Variants in PAK2 observed in about 807,000 individuals in gnomAD.
The protein encoded by PAK2 is serine/threonine-protein kinase PAK 2.
Under a neutral mutation model 65.9 loss-of-function variants are expected in PAK2, and 21 were observed. The ratio of observed to expected loss-of-function variants is 0.32; its 90% CI spans 0.23 to 0.46. PAK2 has a LOEUF of 0.46. Among genes scored for constraint, PAK2 ranks in the 20% least tolerant of loss-of-function variants. PAK2 has a pLI of 1.00. For missense variants in PAK2, 324 were observed against 642.6 expected (o/e 0.50, Z 5.36); for synonymous variants, 204 against 219.7 (o/e 0.93, Z 0.63).
At chr3:196,762,052 C>G (rs1208438622) in intron 1 of PAK2, among the ~76,000 whole-genome samples, 1 of 141,342 alleles carries the variant, frequency 7.1e-6, no homozygotes, top group East Asian at 2.0e-4. Flanking sequence ...TCCTCACCTC[C>G]CAGACGGGGT....
chr3:196,765,187 A>C, intron 1 of PAK2, among the ~76,000 whole-genome samples: 3 of 105,472 alleles, frequency 2.8e-5, no homozygotes, highest in South Asian at 3.2e-4. Context: ...TCGCTCTGTC[A>C]CCCAGACTGG....
intron 1 of PAK2, among the ~76,000 whole-genome samples, chr3:196,763,511 T>C (rs188120008): frequency 6.6e-6 from 1 of 151,858 alleles, no homozygotes; most frequent in East Asian, 1.9e-4. Flanking sequence ...TGGACAGAAA[T>C]GATGAATTTG....
chr3:196,782,939 A>C (rs1714759570), intron 2 of PAK2, 106 bp downstream of exon 2: 2 of 635,452 alleles, frequency 3.1e-6, no homozygotes, highest in Non-Finnish European at 5.4e-6. Context: ...TCATGAAAAC[A>C]ATCGGTGCTA....
chr3:196,767,564 CT>C (rs1397633658), intron 1 of PAK2, among the ~76,000 whole-genome samples: 1 of 152,092 alleles, frequency 6.6e-6, no homozygotes, highest in Non-Finnish European at 1.5e-5. Context: ...TCTTGGCTCA[CT>C]GCAACCTCCG....
chr3:196,809,606 C>T (rs1406812276), intron 7 of PAK2, among the ~76,000 whole-genome samples: 5 of 149,182 alleles, frequency 3.4e-5, no homozygotes, highest in Non-Finnish European at 5.9e-5. Context: ...CTGGCCTGCT[C>T]TGTTACTCTA....
At position 196,828,550 on chromosome 3, in the gene PAK2, C is replaced by G; in HGVS notation, c.*145C>G. On this transcript the variant is annotated 3_prime_UTR_variant, in exon 15 of 15. Transcript: ENST00000327134. ...GCAAATGACTATTCTCTGAAGACAA[C>G]CAAGAGAAAATTGCAAAAAGACAAG... is the stretch of plus-strand genomic sequence containing the variant. The G allele has an allele frequency of 3.1e-6, 2 of 640,314 alleles. No homozygotes were observed. The allele number at this position is 640,314 out of a possible 1,614,324, so 39.7% of individuals were successfully genotyped here. A position where few individuals can be genotyped will look rare whatever the true frequency, so the allele number is the denominator to read the frequency against.
intron 1 of PAK2, among the ~76,000 whole-genome samples, chr3:196,774,911 TGTA>T (rs1714486965): frequency 6.6e-6 from 1 of 152,216 alleles, no homozygotes; most frequent in African/African-American, 2.4e-5. Flanking sequence ...TGTCATTACT[TGTA>T]ATAGAAACTA....
Position 196,831,207 on chromosome 3 carries a change from G to A in PAK2, c.*2802G>A, listed in dbSNP as rs1448571854. ...CTGGCCTCATGTTTTTTAAATAATT[G>A]CCTTTTATATTTACCCTTTTTGTCA... is the stretch of plus-strand genomic sequence containing the variant. On this transcript the variant is annotated 3_prime_UTR_variant, in exon 15 of 15. Transcript: ENST00000327134. 2 of 151,986 alleles carry A rather than the reference G, an allele frequency of 1.3e-5. No homozygotes were observed. The highest frequency in any genetic ancestry group is 4.8e-5 in the African/African-American group (2 of 41,392). The allele number at this position is 151,986 out of a possible 1,614,324, so 9.4% of individuals were successfully genotyped here.
chr3:196,805,847 G>A (rs916185071), intron 5 of PAK2, among the ~76,000 whole-genome samples: 7 of 151,330 alleles, frequency 4.6e-5, no homozygotes, highest in Non-Finnish European at 7.4e-5. Flanking sequence ...TTTCTCAATT[G>A]GGAGGAAACA....
chr3:196,804,451 G>T (rs572681898), intron 4 of PAK2, among the ~76,000 whole-genome samples: 1 of 150,274 alleles, frequency 6.7e-6, no homozygotes, highest in African/African-American at 2.5e-5. Flanking sequence ...ATGTGTGTGC[G>T]CACGCGCGTG....
chr3:196,763,045 C>G (rs542754183), intron 1 of PAK2, among the ~76,000 whole-genome samples: 3 of 152,150 alleles, frequency 2.0e-5, no homozygotes, highest in Non-Finnish European at 4.4e-5. Flanking sequence ...GCAGCTACTT[C>G]CCCTAGGGCT....
intron 8 of PAK2, 99 bp from the exon 9 acceptor site, chr3:196,812,115 GTTCTT>G: frequency 1.4e-6 from 1 of 740,380 alleles, no homozygotes; most frequent in East Asian, 2.5e-5. Flanking sequence ...AGGTCATCCT[GTTCTT>G]TAATTCTTTT....
chr3:196,780,890 G>A (rs900058205), intron 1 of PAK2, among the ~76,000 whole-genome samples: 13 of 152,120 alleles, frequency 8.5e-5, no homozygotes, highest in Admixed American at 1.3e-4. Context: ...CCGGGTTCAC[G>A]CCATTCTCCT....
chr3:196,810,155 CA>C (rs1381272445), intron 7 of PAK2, among the ~76,000 whole-genome samples: 1 of 151,648 alleles, frequency 6.6e-6, no homozygotes, highest in African/African-American at 2.4e-5. Context: ...TAGATATATT[CA>C]AATATATCTA....
In PAK2 at chr3:196,765,981, G is replaced by C. The variant is rs1004672831; in HGVS notation, c.-21-16645G>C. Among the ~76,000 whole-genome samples, 13 of 150,996 alleles carry C rather than the reference G, an allele frequency of 8.6e-5. No individual in the cohort carries two copies. The East Asian group carries it at 2.5e-3, about 30-fold the overall frequency. On this transcript the variant is annotated intron_variant, in intron 1 of 14. Transcript: ENST00000327134. Reference sequence around the variant, plus strand: ...GTGGCATGATCTCGGCTCACTGCAAGCTCCACCTCCCGGGGTCAAGCGATT... The same window carrying C: ...GTGGCATGATCTCGGCTCACTGCAACCTCCACCTCCCGGGGTCAAGCGATT...
intron 2 of PAK2, among the ~76,000 whole-genome samples, chr3:196,783,537 G>A (rs887564104): frequency 6.7e-6 from 1 of 149,742 alleles, no homozygotes; most frequent in South Asian, 2.1e-4. Context: ...AGCCAAGATC[G>A]TGGCACCGCA....
chr3:196,780,312 G>A (rs1010176198), intron 1 of PAK2, among the ~76,000 whole-genome samples: 17 of 152,116 alleles, frequency 1.1e-4, no homozygotes, highest in African/African-American at 4.1e-4. Flanking sequence ...ACCTGAGACC[G>A]GGCCATTTAC....
chr3:196,812,602 G>A, intron 9 of PAK2, 137 bp from the exon 10 acceptor site: 5 of 600,416 alleles, frequency 8.3e-6, no homozygotes, highest in Non-Finnish European at 1.5e-5. Flanking sequence ...CAGGCAGTGT[G>A]CAAGGCAAGG....
chr3:196,826,477 T>G (rs1404777867), intron 13 of PAK2, among the ~76,000 whole-genome samples: 1 of 151,954 alleles, frequency 6.6e-6, no homozygotes, highest in Non-Finnish European at 1.5e-5. Flanking sequence ...CGGCCTTGGT[T>G]TTTTTTTGTT....
Sources: gnomAD v4.1 joint callset for allele counts (sites outside exome capture counted in the v4.1 genomes callset) on GRCh38, gnomAD v4.1.1 for gene constraint, MANE v1.5 for transcripts, NCBI Gene and HGNC (gene_info 2026-07-23, HGNC 2026-07-21) for gene names.